Variants in COPS6 observed in about 807,000 individuals in gnomAD.
COPS6 encodes COP9 signalosome subunit 6.
A neutral mutation model predicts 41.0 loss-of-function variants in COPS6; 9 were observed. The ratio of observed to expected loss-of-function variants is 0.22; its 90% CI spans 0.13 to 0.38. COPS6 has a LOEUF of 0.38. Ranked by LOEUF, COPS6 falls within the 10% of genes least tolerant of loss-of-function variation. The probability of loss-of-function intolerance (pLI) is 1.00; values close to 1 mark genes in which losing one functional copy is unlikely to be tolerated. For missense variants in COPS6, 302 were observed against 436.7 expected, an observed-to-expected ratio of 0.69 and a Z score of 2.75; for synonymous variants, 179 against 162.9, an observed-to-expected ratio of 1.10 and a Z score of -0.75.
In COPS6 at chr7:100,090,943, T is replaced by C. The variant is rs747610208; in HGVS notation, c.528T>C (p.Asn176=). The C allele has an allele frequency of 2.5e-6, 4 of 1,614,122 alleles. No homozygotes were observed. The African/African-American group carries it at 4.0e-5, about 16-fold the overall frequency. ...TTGAGTCTGTCATTGATATAATCAA[T>C]GGAGAGGTAATACCCTACCCTTCAA... ...SVFESVIDII[N]GEATMLFAEL... Residue 176 remains asparagine (N), a synonymous_variant, in exon 6 of 10, where the codon AAT becomes AAC. Coordinates refer to ENST00000303904, the MANE Select transcript of COPS6 (RefSeq NM_006833.5).
intron 5 of COPS6, 51 bp from the exon 6 acceptor site, chr7:100,090,851 C>G (rs371474312): frequency 6.3e-6 from 10 of 1,599,342 alleles, no homozygotes; most frequent in African/African-American, 1.3e-5. Context: ...GTAAAAGCAG[C>G]TAGCCCAAAT....
intron 3 of COPS6, 62 bp from the exon 4 acceptor site, chr7:100,090,337 G>C: frequency 1.6e-6 from 2 of 1,285,680 alleles, no homozygotes; most frequent in East Asian, 2.4e-5. Context: ...AACAGAGCGA[G>C]ATTCCGTCTC....
chr7:100,091,474 G>C lies in COPS6; in HGVS notation c.797G>C (p.Cys266Ser). The C allele has an allele frequency of 1.2e-6, 2 of 1,614,198 alleles. No individual in the cohort carries two copies. Among genetic ancestry groups the C allele is most frequent in the East Asian group, 2.2e-5 (1 of 44,888 alleles). ...ILREAYALCH[C>S]LPVLSTDKFK... The stretch of plus-strand genomic sequence containing the variant: ...CGGGAGGCCTATGCTCTGTGTCACT[G>C]TCTCCCGGTGCTCAGCACAGACAAG... Residue 266 changes from cysteine to serine, a missense_variant, in exon 9 of 10, where the codon TGT (cysteine) becomes TCT (serine). By Grantham distance (112) the Cys-to-Ser change is moderately radical. This residue lies in a region of COPS6 where 222 missense variants were observed against 309.0 expected (regional missense o/e 0.72). Coordinates refer to ENST00000303904, the MANE Select transcript of COPS6 (RefSeq NM_006833.5). This position sits in a 1 kb window ranked among gnomAD's most constrained non-coding sequence, Gnocchi z 4.1.
Position 100,091,196 on chromosome 7 carries a change from C to T in COPS6, c.650-42C>T, listed in dbSNP as rs1351608051. ...TGGAAGTGGGGTTGGAAGGTGTGGC[C>T]ACATCCCGTCTCAACCTCCTCCTGT... On this transcript the variant is annotated intron_variant, in intron 7 of 9. Coordinates refer to ENST00000303904, the MANE Select transcript of COPS6 (RefSeq NM_006833.5). The surrounding 1 kb of genome is among the most constrained non-coding windows in gnomAD (Gnocchi z 4.1). 3 of 1,613,496 alleles carry T rather than the reference C, an allele frequency of 1.9e-6. No homozygotes were observed. The highest frequency in any genetic ancestry group is 2.5e-6 in the Non-Finnish European group (3 of 1,179,406).
Position 100,091,295 on chromosome 7 carries a change from A to C in COPS6, c.707A>C (p.Lys236Thr). Residue 236 changes from lysine to threonine, a missense_variant, in exon 8 of 10, where the codon AAG becomes ACG. By Grantham distance (78) the Lys-to-Thr change is moderately conservative. Around this residue, in one of 3 missense-constraint regions of COPS6, gnomAD observed 222 missense variants for 309.0 expected, o/e 0.72. Transcript: ENST00000303904. This position sits in a 1 kb window ranked among gnomAD's most constrained non-coding sequence, Gnocchi z 4.1. ...SAIKMLHSRV[K>T]LILEYVKASE... Reference sequence around the variant, plus strand: ...ATCAAGATGCTGCACAGCCGCGTCAAGCTCATCTTGGAGTACGTCAAGGCC... The same window carrying C: ...ATCAAGATGCTGCACAGCCGCGTCACGCTCATCTTGGAGTACGTCAAGGCC... The C allele has an allele frequency of 1.2e-6, 2 of 1,614,190 alleles. No homozygotes were observed. Among genetic ancestry groups the C allele is most frequent in the Non-Finnish European group, 1.7e-6 (2 of 1,180,030 alleles).
Position 100,091,896 on chromosome 7 carries a change from C to T in COPS6, c.*107C>T. On this transcript the variant is annotated 3_prime_UTR_variant, in exon 10 of 10. Transcript: ENST00000303904. This position sits in a 1 kb window ranked among gnomAD's most constrained non-coding sequence, Gnocchi z 4.1. ...GCTGTCATTAATAAAAGGGGAGCAG[C>T]CCCTGAGCACCCCTGCTGGTGGCTC... The T allele has an allele frequency of 5.1e-6, 7 of 1,378,910 alleles. No homozygotes were observed. The African/African-American group carries it at 7.2e-5, about 14-fold the overall frequency. The allele number at this position is 1,378,910 out of a possible 1,614,324, so 85.4% of individuals were successfully genotyped here.
At chr7:100,090,568 C>T (rs1284475305) in intron 4 of COPS6, 24 bp from the exon 5 acceptor site, 2 of 1,613,468 alleles carry the variant, frequency 1.2e-6, no homozygotes, top group Middle Eastern at 1.6e-4. Flanking sequence ...CACTGACTTC[C>T]TGTGCATTGT....
rs779088504 is a variant in COPS6, at chr7:100,091,825, G to C, written c.*36G>C. 2 of 1,613,612 alleles carry C rather than the reference G, an allele frequency of 1.2e-6. No homozygotes were observed. The highest frequency in any genetic ancestry group is 1.7e-5 in the Admixed American group (1 of 60,010). On this transcript the variant is annotated 3_prime_UTR_variant, in exon 10 of 10. Transcript: ENST00000303904. The surrounding 1 kb of genome is among the most constrained non-coding windows in gnomAD (Gnocchi z 4.1). ...TGAAGGGCTGATGGACAGGGGTCAG[G>C]CAACTATCCCAAAGGGGAGGGCACT...
chr7:100,089,957 G>A (rs1166325483), intron 3 of COPS6: 3 of 526,078 alleles, frequency 5.7e-6, no homozygotes, highest in South Asian at 4.7e-5. Flanking sequence ...AGGATAGAAG[G>A]GAGTAGTTAT....
chr7:100,090,642 C>G lies in COPS6; in HGVS notation c.474C>G (p.Thr158=), dbSNP rs1795301695. Residue 158 remains threonine (T), a synonymous_variant, in exon 5 of 10, where the codon ACC becomes ACG. Transcript: ENST00000303904. ...SPLFLKLNPM[T]KHTDLPVSVF... ...TCTTTCTGAAGTTGAACCCTATGAC[C>G]AAGCACACAGATGTGAGTAATACTC... The G allele has an allele frequency of 6.2e-7, 1 of 1,613,772 alleles. No homozygotes were observed. Among genetic ancestry groups the G allele is most frequent in the Non-Finnish European group, 8.5e-7 (1 of 1,179,706 alleles).
rs2116540104 is a variant in COPS6, at chr7:100,091,858, C to T, written c.*69C>T. On this transcript the variant is annotated 3_prime_UTR_variant, in exon 10 of 10. Transcript: ENST00000303904. This position sits in a 1 kb window ranked among gnomAD's most constrained non-coding sequence, Gnocchi z 4.1. The stretch of plus-strand genomic sequence containing the variant: ...CCCAAAGGGGAGGGCACTACACTTC[C>T]TTGAGAGAAACCGCTGTCATTAATA... 3 of 1,595,334 alleles carry T rather than the reference C, an allele frequency of 1.9e-6. No individual in the cohort carries two copies. Among genetic ancestry groups the T allele is most frequent in the East Asian group, 2.2e-5 (1 of 44,624 alleles).
Position 100,091,509 on chromosome 7 carries a change from G to A in COPS6, c.832G>A (p.Asp278Asn). The change falls in exon 9 of 10, where the codon GAT (aspartate) becomes AAT (asparagine). Residue 278 changes from aspartate (D) to asparagine (N), a missense_variant. By Grantham distance (23) the Asp-to-Asn change is conservative (BLOSUM62 1). Around this residue, in one of 3 missense-constraint regions of COPS6, gnomAD observed 222 missense variants for 309.0 expected, o/e 0.72. Coordinates refer to ENST00000303904, the MANE Select transcript of COPS6 (RefSeq NM_006833.5). This position sits in a 1 kb window ranked among gnomAD's most constrained non-coding sequence, Gnocchi z 4.1. ...GCTCAGCACAGACAAGTTCAAGACA[G>A]ATTTTTATGATGTGAGTGTAAAACC... The part of the protein sequence containing the change: ...PVLSTDKFKT[D>N]FYDQCNDVGL... 6.2e-7 allele frequency: 1 copy of A among 1,614,176 alleles called. No homozygotes were observed. The highest frequency in any genetic ancestry group is 8.5e-7 in the Non-Finnish European group (1 of 1,180,000).
Position 100,092,131 on chromosome 7 carries a change from C to T in COPS6, c.*342C>T. The T allele has an allele frequency of 3.8e-6, 1 of 265,750 alleles. No individual in the cohort carries two copies. The allele number at this position is 265,750 out of a possible 1,614,324, so 16.5% of individuals were successfully genotyped here. A position where few individuals can be genotyped will look rare whatever the true frequency, so the allele number is the denominator to read the frequency against. ...GTCTCTGTTCTACACTTTAATGTCA[C>T]CCTCTACATCATCTTACCTAGCCCA... On this transcript the variant is annotated 3_prime_UTR_variant, in exon 10 of 10. Coordinates refer to ENST00000303904, the MANE Select transcript of COPS6 (RefSeq NM_006833.5).
intron 2 of COPS6, 49 bp from the exon 3 acceptor site, chr7:100,089,566 C>T (rs1398615956): frequency 5.6e-6 from 9 of 1,603,382 alleles, no homozygotes; most frequent in Admixed American, 1.7e-5. Context: ...ACCCTCAGGT[C>T]ATAGAAGTTT....
At chr7:100,089,807 G>A in intron 3 of COPS6, 61 bp downstream of exon 3, 1 of 1,551,788 alleles carries the variant, frequency 6.4e-7, no homozygotes. Flanking sequence ...GTACAGGGTG[G>A]GGAAGATGGA....
chr7:100,088,997 G>A lies in COPS6; in HGVS notation c.7G>A (p.Ala3Thr). 1 of 1,311,774 alleles carries A rather than the reference G, an allele frequency of 7.6e-7. No individual in the cohort carries two copies. Among genetic ancestry groups the A allele is most frequent in the South Asian group, 2.6e-5 (1 of 39,068 alleles). The allele number at this position is 1,311,774 out of a possible 1,614,324, so 81.3% of individuals were successfully genotyped here. A position where few individuals can be genotyped will look rare whatever the true frequency, so the allele number is the denominator to read the frequency against. Reference sequence around the variant, plus strand: ...GCTGGCGGGCGCGGGGAAAATGGCGGCGGCGGCGGCGGCGGCTGCAGCTAC... The same window carrying A: ...GCTGGCGGGCGCGGGGAAAATGGCGACGGCGGCGGCGGCGGCTGCAGCTAC... MA[A>T]AAAAAAATNG... is the part of the protein sequence containing the mutation. Residue 3 changes from alanine to threonine, a missense_variant, in exon 1 of 10, where the codon GCG becomes ACG. By Grantham distance (58) the Ala-to-Thr change is moderately conservative. Around this residue, in one of 3 missense-constraint regions of COPS6, gnomAD observed 76 missense variants for 97.9 expected, o/e 0.78. Coordinates refer to ENST00000303904, the MANE Select transcript of COPS6 (RefSeq NM_006833.5).
chr7:100,092,067 C>T lies in COPS6; in HGVS notation c.*278C>T. The T allele has an allele frequency of 2.1e-6, 1 of 468,068 alleles. No homozygotes were observed. Among genetic ancestry groups the T allele is most frequent in the Non-Finnish European group, 3.9e-6 (1 of 258,332 alleles). 29.0% of individuals were successfully genotyped at this position (468,068 alleles called of 1,614,324 possible). On this transcript the variant is annotated 3_prime_UTR_variant, in exon 10 of 10. Transcript: ENST00000303904. Reference sequence around the variant, plus strand: ...CCCCATGTCAGTCACATGGACTGGTCTTTAGCAAAGTCCAAGGCTGCCTGC... The same window carrying T: ...CCCCATGTCAGTCACATGGACTGGTTTTTAGCAAAGTCCAAGGCTGCCTGC...
chr7:100,090,744 T>C lies in COPS6; in HGVS notation c.486+90T>C, dbSNP rs922433086. ...TCTATTGGGGAATGCCAGATGCCAC[T>C]TACCAGCTGTGACTCTGGCTTAGTC... On this transcript the variant is annotated intron_variant, in intron 5 of 9. Coordinates refer to ENST00000303904, the MANE Select transcript of COPS6 (RefSeq NM_006833.5). 4.8e-6 allele frequency: 7 copies of C among 1,462,430 alleles called. No homozygotes were observed. In the Admixed American group the frequency reaches 1.0e-4, roughly 21 times the overall value. 90.6% of individuals were successfully genotyped at this position (1,462,430 alleles called of 1,614,324 possible). A position where few individuals can be genotyped will look rare whatever the true frequency, so the allele number is the denominator to read the frequency against.
chr7:100,089,781 G>A (rs1310596829), intron 3 of COPS6, 35 bp downstream of exon 3: 4 of 1,597,260 alleles, frequency 2.5e-6, no homozygotes, highest in East Asian at 2.2e-5. Context: ...AGAGGAGTGG[G>A]AGTTAAAAAA....
Sources: allele counts gnomAD v4.1 joint callset, GRCh38; gene constraint gnomAD v4.1.1; regional missense constraint gnomAD v4.1.1; non-coding constraint Gnocchi (gnomAD v3.1); transcripts MANE v1.5; gene names NCBI Gene and HGNC (gene_info 2026-07-23, HGNC 2026-07-21).